Variants in SAXO1 observed in about 807,000 individuals in gnomAD.
The protein encoded by SAXO1 is stabilizer of axonemal microtubules 1, also known as 4930500O09Rik.
In SAXO1, 21 loss-of-function variants were observed where a neutral mutation model predicts 17.5. That is an observed-to-expected ratio of 1.20 (90% CI 0.85 to 1.72). SAXO1 has a LOEUF of 1.72. Among genes scored for constraint, SAXO1 ranks in the 40% most tolerant of loss-of-function variants. The pLI is 0.00. For synonymous variants in SAXO1, 274 were observed against 216.5 expected, an observed-to-expected ratio of 1.27 and a Z score of -2.33; for missense variants, 843 against 596.0, an observed-to-expected ratio of 1.41 and a Z score of -4.32.
chr9:18,974,410 C>T (rs1237871442), intron 1 of SAXO1, among the ~76,000 whole-genome samples: 1 of 152,138 alleles, frequency 6.6e-6, no homozygotes, highest in Non-Finnish European at 1.5e-5. Flanking sequence ...ATAGAAGCAA[C>T]AAACACAGTG....
At chr9:19,014,962 G>A (rs7031007) in intron 1 of SAXO1, among the ~76,000 whole-genome samples, 71,278 of 151,900 alleles carry the variant, frequency 0.47, 17,837 homozygotes, top group Non-Finnish European at 0.56. Context: ...TAATACTTAA[G>A]GGGGTGGAGA....
chr9:19,021,098 AC>A lies in SAXO1; in HGVS notation c.38+11772del, dbSNP rs1376232230. Among the ~76,000 whole-genome samples the A allele has an allele frequency of 2.6e-5, 4 of 151,928 alleles. No homozygotes were observed. In the South Asian group the frequency reaches 8.3e-4, roughly 32 times the overall value. On this transcript the variant is annotated intron_variant, in intron 1 of 3. Transcript: ENST00000380534. The stretch of plus-strand genomic sequence containing the variant: ...TGCCCAGTTTGTTCTATGTGACCTC[AC>A]CCCTCCTGATGCTCAGCTGATTAGA...
intron 1 of SAXO1, among the ~76,000 whole-genome samples, chr9:19,019,899 A>C (rs960387327): frequency 2.6e-5 from 4 of 152,072 alleles, no homozygotes; most frequent in Admixed American, 2.6e-4. Context: ...CTCTTCTGTA[A>C]ACTACAGCAT....
At chr9:18,956,690 T>C (rs949453301) in intron 1 of SAXO1, among the ~76,000 whole-genome samples, 3 of 152,206 alleles carry the variant, frequency 2.0e-5, no homozygotes, top group African/African-American at 7.2e-5. Flanking sequence ...CAATTTCTAC[T>C]ACTTAGTATG....
At chr9:19,011,176 G>C (rs1162796455) in intron 1 of SAXO1, among the ~76,000 whole-genome samples, 2 of 152,160 alleles carry the variant, frequency 1.3e-5, no homozygotes, top group African/African-American at 4.8e-5. Flanking sequence ...GCCAAGTTCA[G>C]AGCACTAAAA....
intron 1 of SAXO1, chr9:19,027,854 G>A (rs1369323481): frequency 7.9e-6 from 11 of 1,388,274 alleles, no homozygotes; most frequent in South Asian, 1.2e-5. Context: ...CCTGGACCCC[G>A]CCCTGCTACG....
chr9:19,012,158 T>C (rs1054836353), intron 1 of SAXO1, among the ~76,000 whole-genome samples: 3 of 152,208 alleles, frequency 2.0e-5, no homozygotes, highest in African/African-American at 7.2e-5. Context: ...TAGATTTTTT[T>C]TAATGAGAGA....
intron 1 of SAXO1, among the ~76,000 whole-genome samples, chr9:18,987,863 C>T (rs1290323219): frequency 6.7e-6 from 1 of 149,720 alleles, no homozygotes; most frequent in East Asian, 2.0e-4. Flanking sequence ...CACCACCCCA[C>T]TATAACCTGG....
intron 1 of SAXO1, among the ~76,000 whole-genome samples, chr9:19,016,228 G>C (rs1194762312): frequency 6.6e-6 from 1 of 152,164 alleles, no homozygotes; most frequent in African/African-American, 2.4e-5. Flanking sequence ...CTGAGGTCGG[G>C]AGTTCGAGAC....
chr9:18,936,345 C>G (rs1306983984), intron 3 of SAXO1, among the ~76,000 whole-genome samples: 1 of 152,056 alleles, frequency 6.6e-6, no homozygotes, highest in Admixed American at 6.5e-5. Context: ...GAATATAAAC[C>G]ACATGTTTCC....
intron 1 of SAXO1, among the ~76,000 whole-genome samples, chr9:18,985,343 C>G (rs776942763): frequency 6.6e-6 from 1 of 151,954 alleles, no homozygotes; most frequent in Non-Finnish European, 1.5e-5. Context: ...ATGAAGTGAG[C>G]GCATGGTATT....
chr9:18,979,694 G>C (rs566513706), intron 1 of SAXO1, among the ~76,000 whole-genome samples: 7 of 152,340 alleles, frequency 4.6e-5, no homozygotes, highest in Admixed American at 3.3e-4. Context: ...CCTAGAATTG[G>C]AGGCAGCATA....
At chr9:18,929,624 G>C (rs964790607) in intron 3 of SAXO1, among the ~76,000 whole-genome samples, 1 of 152,208 alleles carries the variant, frequency 6.6e-6, no homozygotes, top group Admixed American at 6.5e-5. Flanking sequence ...TGGGTGGTGA[G>C]AGAACAGTGG....
chr9:19,003,711 A>T (rs979115507), intron 1 of SAXO1, among the ~76,000 whole-genome samples: 4 of 152,108 alleles, frequency 2.6e-5, no homozygotes, highest in Admixed American at 6.5e-5. Flanking sequence ...CTAAAACTGG[A>T]CTCCTTCCTT....
chr9:19,007,322 G>C (rs904542586), intron 1 of SAXO1, among the ~76,000 whole-genome samples: 6 of 152,064 alleles, frequency 3.9e-5, no homozygotes, highest in African/African-American at 1.2e-4. Context: ...ACTCCAGCCT[G>C]GTCAAAGAGC....
intron 1 of SAXO1, among the ~76,000 whole-genome samples, chr9:18,952,639 G>T (rs536626596): frequency 6.6e-6 from 1 of 152,110 alleles, no homozygotes; most frequent in East Asian, 1.9e-4. Flanking sequence ...CCTTAAGAAG[G>T]CATGAAATTG....
chr9:18,928,306 G>C lies in SAXO1; in HGVS notation c.1171C>G (p.Pro391Ala). Residue 391 changes from proline (P) to alanine (A), a missense_variant, in exon 4 of 4, where the codon CCT (proline) becomes GCT (alanine). Coordinates refer to ENST00000380534, the MANE Select transcript of SAXO1 (RefSeq NM_153707.4). ...TTTCCTCGAGGGCCAGACCAATGAG[G>C]CTTACAGCTTTTGGTATTGATAGGC... ...HLPINTKSCK[P>A]HWSGPRGNVP... 1 of 1,613,464 alleles carries C rather than the reference G, an allele frequency of 6.2e-7. No individual in the cohort carries two copies. Among genetic ancestry groups the C allele is most frequent in the African/African-American group, 1.3e-5 (1 of 74,982 alleles).
intron 1 of SAXO1, among the ~76,000 whole-genome samples, chr9:18,970,093 G>C (rs992582785): frequency 1.3e-5 from 2 of 152,208 alleles, no homozygotes; most frequent in African/African-American, 4.8e-5. Flanking sequence ...AAGTGGATGG[G>C]ACCCAGTGAG....
intron 1 of SAXO1, among the ~76,000 whole-genome samples, chr9:18,974,713 AT>A (rs1833067993): frequency 6.6e-6 from 1 of 152,220 alleles, no homozygotes; most frequent in Admixed American, 6.5e-5. Context: ...ATATATATAC[AT>A]GTATAAATGG....
Sources: allele counts gnomAD v4.1 joint callset (sites outside exome capture counted in the v4.1 genomes callset), GRCh38; gene constraint gnomAD v4.1.1; transcripts MANE v1.5; gene names NCBI Gene and HGNC (gene_info 2026-07-23, HGNC 2026-07-21).